Variants in WNK1 observed in about 807,000 individuals in gnomAD.
WNK1 encodes the protein serine/threonine-protein kinase WNK1.
In WNK1, 38 loss-of-function variants were observed where a neutral mutation model predicts 222.8. The ratio of observed to expected loss-of-function variants is 0.17; its 90% CI spans 0.13 to 0.22. The LOEUF (loss-of-function observed/expected upper bound fraction) is 0.22, where lower values mean the gene tolerates loss of function less well. WNK1 is among the 10% of genes least tolerant of loss of function. WNK1 has a pLI of 1.00. For missense variants in WNK1, 2,348 were observed against 2,918.4 expected, an observed-to-expected ratio of 0.80 and a Z score of 4.50; for synonymous variants, 1,090 against 1,092.9, an observed-to-expected ratio of 1.00 and a Z score of 0.05.
chr12:796,350 A>G (rs1010693152), intron 1 of WNK1, among the ~76,000 whole-genome samples: 2 of 152,158 alleles, frequency 1.3e-5, no homozygotes, highest in African/African-American at 4.8e-5. Context: ...ATTTTTCTGA[A>G]GTATAGGAAC....
At chr12:866,588 C>T (rs1416356361) in intron 8 of WNK1, among the ~76,000 whole-genome samples, 2 of 152,078 alleles carry the variant, frequency 1.3e-5, no homozygotes, top group African/African-American at 2.4e-5. Flanking sequence ...TCTTGATCTC[C>T]TGACATTGTG....
chr12:838,407 G>GTTGTTA (rs1375188605), intron 4 of WNK1, among the ~76,000 whole-genome samples: 2 of 151,744 alleles, frequency 1.3e-5, no homozygotes, highest in East Asian at 3.9e-4. Flanking sequence ...GCCAATCCTT[G>GTTGTTA]TTGTTATTAT....
At chr12:865,246 G>A in intron 8 of WNK1, 1 of 1,535,984 alleles carries the variant, frequency 6.5e-7, no homozygotes, top group South Asian at 1.2e-5. Context: ...CCTCCGGACT[G>A]CCCCGAGGAA....
intron 4 of WNK1, among the ~76,000 whole-genome samples, chr12:850,218 G>C (rs1389900743): frequency 5.9e-5 from 9 of 151,638 alleles, no homozygotes; most frequent in East Asian, 3.9e-4. Context: ...TCCACATCCT[G>C]TCCAGCACCT....
chr12:851,856 A>G, intron 4 of WNK1: 1 of 1,166,914 alleles, frequency 8.6e-7, no homozygotes, highest in Non-Finnish European at 1.1e-6. Context: ...AAAGTTTCCA[A>G]TATTGAAATT....
At chr12:852,932 T>C (rs1404587092) in intron 4 of WNK1, among the ~76,000 whole-genome samples, 1 of 152,208 alleles carries the variant, frequency 6.6e-6, no homozygotes, top group Non-Finnish European at 1.5e-5. Flanking sequence ...CTGTATATGC[T>C]TGCTTCTTAA....
At chr12:853,692 A>T (rs1038562915) in intron 4 of WNK1, among the ~76,000 whole-genome samples, 1 of 152,234 alleles carries the variant, frequency 6.6e-6, no homozygotes, top group South Asian at 2.1e-4. Context: ...TTAAATTAAT[A>T]CATAGTTTTA....
intron 1 of WNK1, among the ~76,000 whole-genome samples, chr12:771,372 C>T (rs1454273903): frequency 3.9e-5 from 6 of 152,122 alleles, no homozygotes; most frequent in African/African-American, 1.4e-4. Flanking sequence ...ATATTCATAT[C>T]TTAATGATAC....
At position 884,849 on chromosome 12, in the gene WNK1, A is replaced by G; in HGVS notation, c.4045A>G (p.Thr1349Ala). The change falls in exon 19 of 28, where the codon ACA becomes GCA. Residue 1349 changes from threonine (T) to alanine (A), a missense_variant. By Grantham distance (58) the Thr-to-Ala change is moderately conservative. Transcript: ENST00000315939. The surrounding 1 kb of genome is among the most constrained non-coding windows in gnomAD (Gnocchi z 5.6). Reference sequence around the variant, plus strand: ...AAGTAGCATTGCTGGAGTCCCAACCACAGCAGCAGCCACAGCACCAGTCCC... The same window carrying G: ...AAGTAGCATTGCTGGAGTCCCAACCGCAGCAGCAGCCACAGCACCAGTCCC... ...FLSSIAGVPT[T>A]AAATAPVPAT... is the part of the protein sequence containing the mutation. 6.2e-7 allele frequency: 1 copy of G among 1,614,098 alleles called. No individual in the cohort carries two copies. The highest frequency in any genetic ancestry group is 8.5e-7 in the Non-Finnish European group (1 of 1,179,974).
At chr12:889,025 A>G (rs1226743316) in intron 20 of WNK1, 115 bp from the exon 21 acceptor site, 1 of 842,310 alleles carries the variant, frequency 1.2e-6, no homozygotes. Context: ...CATAAAGACA[A>G]ATGTTATGTT....
chr12:764,932 A>G (rs1941499559), intron 1 of WNK1, among the ~76,000 whole-genome samples: 2 of 147,140 alleles, frequency 1.4e-5, no homozygotes, highest in Admixed American at 1.3e-4. Context: ...TCTGCCTGCC[A>G]GGTTCAAGCA....
At chr12:782,296 C>G (rs909980703) in intron 1 of WNK1, among the ~76,000 whole-genome samples, 1 of 152,038 alleles carries the variant, frequency 6.6e-6, no homozygotes, top group African/African-American at 2.4e-5. Flanking sequence ...CTAGCAAGTC[C>G]CTAACAGTGC....
At chr12:771,098 A>G (rs1167993033) in intron 1 of WNK1, among the ~76,000 whole-genome samples, 1 of 152,034 alleles carries the variant, frequency 6.6e-6, no homozygotes, top group African/African-American at 2.4e-5. Context: ...CCTGGGTTCA[A>G]GCGACTCTCC....
chr12:829,324 AT>A (rs1424800517), intron 3 of WNK1, among the ~76,000 whole-genome samples: 1 of 152,122 alleles, frequency 6.6e-6, no homozygotes, highest in East Asian at 1.9e-4. Flanking sequence ...CCCTCACTAC[AT>A]TTCTTGTGTC....
intron 1 of WNK1, among the ~76,000 whole-genome samples, chr12:792,834 T>C (rs1944972547): frequency 6.6e-6 from 1 of 152,104 alleles, no homozygotes; most frequent in African/African-American, 2.4e-5. Flanking sequence ...AAAAAATATA[T>C]ATAAACATAT....
At chr12:787,845 G>C (rs1047433347) in intron 1 of WNK1, among the ~76,000 whole-genome samples, 2 of 152,076 alleles carry the variant, frequency 1.3e-5, no homozygotes, top group African/African-American at 4.8e-5. Flanking sequence ...GTGTGTGTGC[G>C]TGTGTGTGTA....
chr12:876,031 A>G (rs1204923579), intron 9 of WNK1, among the ~76,000 whole-genome samples: 3 of 152,232 alleles, frequency 2.0e-5, no homozygotes, highest in Non-Finnish European at 2.9e-5. Context: ...AGAATTGGCT[A>G]CATGTGGTTT....
chr12:811,186 A>G (rs1946868955), intron 1 of WNK1, among the ~76,000 whole-genome samples: 1 of 152,190 alleles, frequency 6.6e-6, no homozygotes, highest in Admixed American at 6.6e-5. Flanking sequence ...ACTTTTTGAT[A>G]CGGTCTTTTA....
intron 1 of WNK1, among the ~76,000 whole-genome samples, chr12:778,791 A>G (rs1254203387): frequency 2.0e-5 from 3 of 152,198 alleles, no homozygotes; most frequent in Middle Eastern, 3.2e-3. Context: ...TTAAATTCTT[A>G]GTAATACTGG....
Sources: gnomAD v4.1 joint callset for allele counts (sites outside exome capture counted in the v4.1 genomes callset) on GRCh38, gnomAD v4.1.1 for gene constraint, Gnocchi (gnomAD v3.1) non-coding constraint, MANE v1.5 for transcripts, NCBI Gene and HGNC (gene_info 2026-07-23, HGNC 2026-07-21) for gene names.